ANKRD11: variants seen among roughly 807,000 people sequenced by gnomAD.
ANKRD11 encodes ankyrin repeat domain 11.
A neutral mutation model predicts 195.7 loss-of-function variants in ANKRD11; 17 were observed. That is an observed-to-expected ratio of 0.09 (90% CI 0.06 to 0.13). The LOEUF (loss-of-function observed/expected upper bound fraction) is 0.13. ANKRD11 is among the 10% of genes least tolerant of loss of function. The pLI is 1.00. For synonymous variants in ANKRD11, 1,953 were observed against 1,528.1 expected (o/e 1.28, Z -6.49); for missense variants, 3,735 against 3,566.1 (o/e 1.05, Z -1.21).
At chr16:89,478,105 T>C (rs1471949334) in intron 1 of ANKRD11, among the ~76,000 whole-genome samples, 1 of 152,208 alleles carries the variant, frequency 6.6e-6, no homozygotes, top group Non-Finnish European at 1.5e-5. Flanking sequence ...GAGCGCTTAA[T>C]AAACTGAAAT....
chr16:89,351,158 G>A (rs934901925), intron 2 of ANKRD11, among the ~76,000 whole-genome samples: 3 of 152,214 alleles, frequency 2.0e-5, no homozygotes, highest in African/African-American at 4.8e-5. Flanking sequence ...ACAAGAGCTC[G>A]TCAAGAGCAC....
chr16:89,292,778 C>T (rs1054081850), intron 4 of ANKRD11, among the ~76,000 whole-genome samples: 1 of 152,256 alleles, frequency 6.6e-6, no homozygotes, highest in South Asian at 2.1e-4. Flanking sequence ...GGCCAATGAG[C>T]CCCAGCCTAC....
chr16:89,307,640 C>G (rs2036367806), intron 3 of ANKRD11, among the ~76,000 whole-genome samples: 1 of 152,254 alleles, frequency 6.6e-6, no homozygotes, highest in South Asian at 2.1e-4. Context: ...CCTCCCGGCC[C>G]TCGGCCTGGG....
At chr16:89,272,359 G>T in intron 11 of ANKRD11, 1 of 152,398 alleles carries the variant, frequency 6.6e-6, no homozygotes, top group South Asian at 2.1e-4. Flanking sequence ...ACTAAAAATT[G>T]AGCTACCATA....
rs2033986786 is a variant in ANKRD11 at position 89,279,597 on chromosome 16, T to C, written c.6945A>G (p.Ala2315=). 1 of 1,445,090 alleles carries C rather than the reference T, an allele frequency of 6.9e-7. No individual in the cohort carries two copies. The highest frequency in any genetic ancestry group is 9.1e-7 in the Non-Finnish European group (1 of 1,099,422). 89.5% of individuals were successfully genotyped at this position (1,445,090 alleles called of 1,614,324 possible). Residue 2315 remains alanine (A), a synonymous_variant, in exon 9 of 13, where the codon GCA becomes GCG. Transcript: ENST00000301030. This position sits in a 1 kb window ranked among gnomAD's most constrained non-coding sequence, Gnocchi z 5.6. ...GGGCTTCGGCCGTGGGTTTTGGTTC[T>C]GCGGCTTCCGGCTGGATGCCGCCAG... is the stretch of plus-strand genomic sequence containing the variant. ...GPPGGIQPEA[A]EPKPTAEAPK...
At chr16:89,346,752 T>C (rs1324014643) in intron 2 of ANKRD11, among the ~76,000 whole-genome samples, 1 of 152,218 alleles carries the variant, frequency 6.6e-6, no homozygotes, top group Non-Finnish European at 1.5e-5. Flanking sequence ...GAGGGAAATG[T>C]ATTTATATTT....
intron 1 of ANKRD11, among the ~76,000 whole-genome samples, chr16:89,484,503 C>T (rs1446116969): frequency 6.6e-6 from 1 of 152,102 alleles, no homozygotes; most frequent in African/African-American, 2.4e-5. Context: ...CGCAATCTTC[C>T]CTTTACTTGG....
chr16:89,473,310 C>A (rs1264780370), intron 1 of ANKRD11, among the ~76,000 whole-genome samples: 1 of 152,194 alleles, frequency 6.6e-6, no homozygotes, highest in East Asian at 1.9e-4. Context: ...ATACTTACTA[C>A]TGAAAATAAC....
chr16:89,355,824 T>C (rs2039446749), intron 2 of ANKRD11, among the ~76,000 whole-genome samples: 1 of 152,156 alleles, frequency 6.6e-6, no homozygotes, highest in African/African-American at 2.4e-5. Context: ...CAAGGGTCTG[T>C]GGCTCTCCTG....
At chr16:89,333,457 C>A (rs1222825623) in intron 2 of ANKRD11, among the ~76,000 whole-genome samples, 2 of 152,212 alleles carry the variant, frequency 1.3e-5, no homozygotes, top group Non-Finnish European at 2.9e-5. Context: ...GTGGACCCAC[C>A]GTTGTGGTAT....
Position 89,305,190 on chromosome 16 carries a change from G to A in ANKRD11, c.226+16C>T, listed in dbSNP as rs777232078. The A allele has an allele frequency of 6.8e-6, 11 of 1,609,150 alleles. No homozygotes were observed. Among genetic ancestry groups the A allele is most frequent in the East Asian group, 4.5e-5 (2 of 44,872 alleles). On this transcript the variant is annotated intron_variant, in intron 4 of 12. Coordinates refer to ENST00000301030, the MANE Select transcript of ANKRD11 (RefSeq NM_013275.6). ...CCTGTGGAGGGCTGACTGCAGGAGG[G>A]GCCGCGGGCTGGTACCTGTGTCCGA...
At chr16:89,426,853 C>A (rs2042738107) in intron 1 of ANKRD11, among the ~76,000 whole-genome samples, 1 of 152,224 alleles carries the variant, frequency 6.6e-6, no homozygotes, top group East Asian at 1.9e-4. Flanking sequence ...TGTGAAGCTC[C>A]TACTCAACAA....
At chr16:89,337,686 C>T (rs1289866929) in intron 2 of ANKRD11, among the ~76,000 whole-genome samples, 1 of 152,028 alleles carries the variant, frequency 6.6e-6, no homozygotes, top group Non-Finnish European at 1.5e-5. Context: ...GGGATCCACC[C>T]GCCTCGGCCT....
chr16:89,339,800 T>A (rs1461622668), intron 2 of ANKRD11: 4 of 152,224 alleles, frequency 2.6e-5, no homozygotes, highest in African/African-American at 4.8e-5. Flanking sequence ...AGCCCCACCC[T>A]GCTGTGGCTG....
chr16:89,469,157 G>A (rs2056983368), intron 1 of ANKRD11, among the ~76,000 whole-genome samples: 1 of 151,718 alleles, frequency 6.6e-6, no homozygotes, highest in African/African-American at 2.4e-5. Context: ...TTCAGCTTGG[G>A]CCACAGGGCG....
intron 1 of ANKRD11, among the ~76,000 whole-genome samples, chr16:89,442,661 A>C (rs2043570987): frequency 6.6e-6 from 1 of 152,226 alleles, no homozygotes; most frequent in South Asian, 2.1e-4. Flanking sequence ...TGTGTCCCAC[A>C]AAGGCCAGGT....
rs189206658 is a variant in ANKRD11, at chr16:89,411,229, C to T, written c.-60+7055G>A. Among the ~76,000 whole-genome samples the T allele has an allele frequency of 2.6e-5, 4 of 152,352 alleles. No individual in the cohort carries two copies. In the East Asian group the frequency reaches 7.7e-4, roughly 29 times the overall value. ...ACATCCCCTCTCGTGTGTGCTGGTG[C>T]CACCACGGGGGCCCAGGGACCTTTT... is the stretch of plus-strand genomic sequence containing the variant. On this transcript the variant is annotated intron_variant, in intron 2 of 12. Transcript: ENST00000301030.
chr16:89,453,823 T>G (rs1028819914), intron 1 of ANKRD11, among the ~76,000 whole-genome samples: 20 of 152,042 alleles, frequency 1.3e-4, no homozygotes, highest in Non-Finnish European at 2.6e-4. Flanking sequence ...AGACAGAACT[T>G]GTGAATTCGA....
At position 89,471,944 on chromosome 16, in the gene ANKRD11, G is replaced by A. The variant is rs377490962; in HGVS notation, c.-145+18301C>T. On this transcript the variant is annotated intron_variant, in intron 1 of 12. Coordinates refer to ENST00000301030, the MANE Select transcript of ANKRD11 (RefSeq NM_013275.6). ...ATCAGGGACAATGGCTATGACCCTC[G>A]AGGCATGCAGCCCTGCCAAACATCA... Among the ~76,000 whole-genome samples, 90 of 152,036 alleles carry A rather than the reference G, an allele frequency of 5.9e-4. 2 individuals are homozygous for A. In the South Asian group the frequency reaches 0.019, roughly 31 times the overall value.
Sources: gnomAD v4.1 joint callset for allele counts (sites outside exome capture counted in the v4.1 genomes callset) on GRCh38, gnomAD v4.1.1 for gene constraint, Gnocchi (gnomAD v3.1) non-coding constraint, MANE v1.5 for transcripts, NCBI Gene and HGNC (gene_info 2026-07-23, HGNC 2026-07-21) for gene names.